VCAN: variants seen among roughly 807,000 people sequenced by gnomAD.
The protein encoded by VCAN is versican.
In VCAN, 44 loss-of-function variants were observed where a neutral mutation model predicts 245.5. The observed-to-expected ratio is 0.18, with a 90% CI of 0.14 to 0.23. The LOEUF (loss-of-function observed/expected upper bound fraction) is 0.23. Ranked by LOEUF, VCAN falls within the 10% of genes least tolerant of loss-of-function variation. The pLI, the probability that VCAN is intolerant of heterozygous loss-of-function variation, is 1.00. For missense variants in VCAN, 3,793 were observed against 4,057.9 expected (o/e 0.93, Z 1.77); for synonymous variants, 1,413 against 1,437.0 (o/e 0.98, Z 0.38).
chr5:83,501,994 T>C (rs1219019347), intron 5 of VCAN, among the ~76,000 whole-genome samples: 1 of 152,200 alleles, frequency 6.6e-6, no homozygotes, highest in Non-Finnish European at 1.5e-5. Flanking sequence ...TTTCAGAGTA[T>C]AAGTTTTGCA....
chr5:83,520,593 G>C lies in VCAN; in HGVS notation c.2287G>C (p.Val763Leu), dbSNP rs1193184748. 1 of 1,614,050 alleles carries C rather than the reference G, an allele frequency of 6.2e-7. No homozygotes were observed. Among genetic ancestry groups the C allele is most frequent in the African/African-American group, 1.3e-5 (1 of 75,056 alleles). The change falls in exon 7 of 15, where the codon GTA becomes CTA. Residue 763 changes from valine (V) to leucine (L), a missense_variant. By Grantham distance (32) the Val-to-Leu change is conservative. Transcript: ENST00000265077. ...ITKLSAEPTEVRDMEEDFTAT... is the reference protein window; with the variant it reads ...ITKLSAEPTELRDMEEDFTAT... ...AAAGTTAAGTGCAGAGCCAACAGAAGTAAGAGATATGGAGGAAGACTTTAC... is the reference window on the plus strand; with the variant it reads ...AAAGTTAAGTGCAGAGCCAACAGAACTAAGAGATATGGAGGAAGACTTTAC...
At chr5:83,567,708 T>C (rs1748140046) in intron 12 of VCAN, among the ~76,000 whole-genome samples, 1 of 152,208 alleles carries the variant, frequency 6.6e-6, no homozygotes, top group South Asian at 2.1e-4. Flanking sequence ...TTCTTGTCCC[T>C]GGGGAGGCAA....
At chr5:83,484,922 G>C (rs1400113997) in intron 2 of VCAN, among the ~76,000 whole-genome samples, 3 of 152,192 alleles carry the variant, frequency 2.0e-5, no homozygotes, top group Non-Finnish European at 4.4e-5. Flanking sequence ...AACATCGTGT[G>C]TTTGAATAGC....
intron 5 of VCAN, among the ~76,000 whole-genome samples, chr5:83,498,511 A>G (rs1745231255): frequency 6.6e-6 from 1 of 152,198 alleles, no homozygotes; most frequent in Admixed American, 6.5e-5. Context: ...TCCAGGATCC[A>G]TCAGTATACT....
Position 83,521,206 on chromosome 5 carries a change from T to C in VCAN, c.2900T>C (p.Val967Ala), listed in dbSNP as rs1431372996. ...YSSTQEPTTY[V>A]DSSHTIPLSV... ...AGCACCCAAGAGCCTACTACTTATG[T>C]AGACTCTTCCCATACCATTCCTCTT... The change falls in exon 7 of 15, where the codon GTA becomes GCA. Residue 967 changes from valine to alanine, a missense_variant. Physicochemically the swap from Val to Ala is moderately conservative, Grantham distance 64. Around this residue, in one of 5 missense-constraint regions of VCAN, gnomAD observed 3,182 missense variants for 3,250.3 expected, o/e 0.98. Transcript: ENST00000265077. The C allele has an allele frequency of 2.5e-6, 4 of 1,613,656 alleles. No individual in the cohort carries two copies. The African/African-American group carries it at 5.3e-5, about 22-fold the overall frequency.
intron 5 of VCAN, among the ~76,000 whole-genome samples, chr5:83,505,615 G>A (rs183434758): frequency 1.1e-4 from 16 of 152,120 alleles, no homozygotes; most frequent in African/African-American, 3.1e-4. Flanking sequence ...CAGCTTTCCC[G>A]GGCACACAGT....
intron 1 of VCAN, among the ~76,000 whole-genome samples, chr5:83,476,144 G>T (rs372834516): frequency 6.6e-6 from 1 of 152,104 alleles, no homozygotes; most frequent in African/African-American, 2.4e-5. Flanking sequence ...TGTATTATTA[G>T]GCTTAAATAC....
chr5:83,541,032 C>T lies in VCAN; in HGVS notation c.8029C>T (p.Pro2677Ser), dbSNP rs753119326. ...TCACTTCACAACTGGGATCCCTGCT[C>T]CTAGCACAGAAACAGAATTAGACGT... ...GFHFTTGIPA[P>S]STETELDVLL... Residue 2677 changes from proline to serine, a missense_variant, in exon 8 of 15, where the codon CCT becomes TCT. Around this residue, in one of 5 missense-constraint regions of VCAN, gnomAD observed 3,182 missense variants for 3,250.3 expected, o/e 0.98. Transcript: ENST00000265077. 1.9e-6 allele frequency: 3 copies of T among 1,614,052 alleles called. No individual in the cohort carries two copies. Among genetic ancestry groups the T allele is most frequent in the Non-Finnish European group, 1.7e-6 (2 of 1,179,990 alleles).
intron 7 of VCAN, among the ~76,000 whole-genome samples, chr5:83,531,943 C>T (rs7737603): frequency 0.88 from 133,188 of 152,116 alleles, 58,353 homozygotes; most frequent in East Asian, 0.9. Flanking sequence ...ATGCATACAC[C>T]CTGTAGAGTT....
At chr5:83,568,522 G>T (rs1471866583) in intron 12 of VCAN, among the ~76,000 whole-genome samples, 1 of 152,118 alleles carries the variant, frequency 6.6e-6, no homozygotes, top group South Asian at 2.1e-4. Context: ...TTTGAGCCCC[G>T]AGAATCACTT....
chr5:83,519,235 C>T (rs1185433134), intron 6 of VCAN, 114 bp from the exon 7 acceptor site: 1 of 1,046,564 alleles, frequency 9.6e-7, no homozygotes, highest in Non-Finnish European at 1.4e-6. Context: ...CAGAACATTT[C>T]TGGGCCACCC....
Position 83,531,946 on chromosome 5 carries a change from G to T in VCAN, c.4004-5061G>T, listed in dbSNP as rs80025097. Among the ~76,000 whole-genome samples, 687 of 152,210 alleles carry T rather than the reference G, an allele frequency of 4.5e-3. 5 individuals are homozygous for T. Among genetic ancestry groups the T allele is most frequent in the African/African-American group, 0.016 (663 of 41,556 alleles). The stretch of plus-strand genomic sequence containing the variant: ...ATAGAAAAGATTATGCATACACCCT[G>T]TAGAGTTCTGTGGTTTGATTCTTGA... On this transcript the variant is annotated intron_variant, in intron 7 of 14. Transcript: ENST00000265077.
intron 7 of VCAN, among the ~76,000 whole-genome samples, chr5:83,534,342 T>A (rs1024106169): frequency 6.6e-6 from 1 of 152,096 alleles, no homozygotes; most frequent in African/African-American, 2.4e-5. Flanking sequence ...GATATTTCCT[T>A]ATTTATCCTT....
chr5:83,507,443 AAGAACTT>A (rs1745515908), intron 5 of VCAN, among the ~76,000 whole-genome samples: 1 of 152,234 alleles, frequency 6.6e-6, no homozygotes, highest in Non-Finnish European at 1.5e-5. Context: ...AAAACTCAGA[AAGAACTT>A]TTATTATTCA....
intron 3 of VCAN, among the ~76,000 whole-genome samples, chr5:83,491,822 A>G (rs56190624): frequency 0.058 from 8,792 of 152,212 alleles, 811 homozygotes; most frequent in African/African-American, 0.2. Flanking sequence ...TTTACTGCCA[A>G]TCTTCAGTGC....
At chr5:83,542,307 G>C in intron 8 of VCAN, 39 bp downstream of exon 8, 1 of 1,591,300 alleles carries the variant, frequency 6.3e-7, no homozygotes, top group Non-Finnish European at 8.6e-7. Context: ...TCCAAACCTG[G>C]AAACAGTCCC....
intron 9 of VCAN, among the ~76,000 whole-genome samples, chr5:83,546,564 T>C (rs1424402219): frequency 2.0e-5 from 3 of 147,096 alleles, no homozygotes; most frequent in African/African-American, 7.6e-5. Context: ...GAGACCAGCC[T>C]GGGCAACATG....
chr5:83,493,728 G>C lies in VCAN; in HGVS notation c.620+8G>C. On this transcript the variant is annotated splice_region_variant and intron_variant, in intron 4 of 14. Transcript: ENST00000265077. ...GGCTGATCAGACTGTCAGGTAAGAGGTCTGGGGGCCACAGGCTTCATTATT... is the reference window on the plus strand; with the variant it reads ...GGCTGATCAGACTGTCAGGTAAGAGCTCTGGGGGCCACAGGCTTCATTATT... The C allele has an allele frequency of 6.2e-7, 1 of 1,614,150 alleles. No homozygotes were observed.
chr5:83,535,300 AG>A (rs1746663345), intron 7 of VCAN, among the ~76,000 whole-genome samples: 1 of 152,092 alleles, frequency 6.6e-6, no homozygotes, highest in Non-Finnish European at 1.5e-5. Flanking sequence ...AAATTTCAAT[AG>A]GAAGGGTGTT....
Sources: allele counts gnomAD v4.1 joint callset (sites outside exome capture counted in the v4.1 genomes callset), GRCh38; gene constraint gnomAD v4.1.1; regional missense constraint gnomAD v4.1.1; transcripts MANE v1.5; gene names NCBI Gene and HGNC (gene_info 2026-07-23, HGNC 2026-07-21).